The following IMPG1 variants were observed in gnomAD, a reference collection of about 807,000 sequenced individuals.
The protein encoded by IMPG1 is interphotoreceptor matrix proteoglycan of 150 kDa.
IMPG1 carries 85 observed loss-of-function variants against 92.0 expected under a neutral mutation model. The observed-to-expected ratio is 0.92, with a 90% CI of 0.78 to 1.11. IMPG1 has a LOEUF of 1.11. Among genes scored for constraint, IMPG1 ranks in the 50% least tolerant of loss-of-function variants. The probability of loss-of-function intolerance (pLI) is 0.00; values close to 1 mark genes in which losing one functional copy is unlikely to be tolerated. For synonymous variants in IMPG1, 367 were observed against 334.1 expected, an observed-to-expected ratio of 1.10 and a Z score of -1.08; for missense variants, 1,022 against 956.0, an observed-to-expected ratio of 1.07 and a Z score of -0.91.
At chr6:75,989,341 G>A (rs1378516878) in intron 12 of IMPG1, among the ~76,000 whole-genome samples, 1 of 152,126 alleles carries the variant, frequency 6.6e-6, no homozygotes, top group Non-Finnish European at 1.5e-5. Context: ...AAAAAGGGAG[G>A]CACATAATTT....
intron 12 of IMPG1, among the ~76,000 whole-genome samples, chr6:75,963,251 T>C (rs1782238911): frequency 6.6e-6 from 1 of 152,110 alleles, no homozygotes; most frequent in African/African-American, 2.4e-5. Flanking sequence ...CGTCAATAAA[T>C]GATGTATGAA....
chr6:75,962,423 C>T (rs1181062929), intron 12 of IMPG1, among the ~76,000 whole-genome samples: 5 of 152,008 alleles, frequency 3.3e-5, no homozygotes, highest in African/African-American at 9.7e-5. Flanking sequence ...TGTCCAGCAA[C>T]AATTTATTTT....
chr6:76,061,717 C>G (rs922494477), intron 1 of IMPG1, among the ~76,000 whole-genome samples: 4 of 152,094 alleles, frequency 2.6e-5, no homozygotes, highest in African/African-American at 9.7e-5. Context: ...TTTTCTCTTT[C>G]TCTTATACAT....
intron 11 of IMPG1, among the ~76,000 whole-genome samples, chr6:76,003,617 T>G (rs754262552): frequency 6.6e-6 from 1 of 152,224 alleles, no homozygotes; most frequent in Non-Finnish European, 1.5e-5. Context: ...CCATCCTGAT[T>G]CTAAATGAAA....
intron 4 of IMPG1, among the ~76,000 whole-genome samples, chr6:76,033,646 T>A (rs1333744165): frequency 2.6e-5 from 4 of 152,220 alleles, no homozygotes; most frequent in Non-Finnish European, 5.9e-5. Flanking sequence ...TAAGGCATTG[T>A]AAAGTATTGT....
At chr6:76,048,598 T>C (rs1240262241) in intron 1 of IMPG1, among the ~76,000 whole-genome samples, 1 of 152,180 alleles carries the variant, frequency 6.6e-6, no homozygotes, top group Non-Finnish European at 1.5e-5. Context: ...CAGAAACTCT[T>C]CTCTCACTTT....
At chr6:75,953,776 T>G (rs1782073130) in intron 12 of IMPG1, among the ~76,000 whole-genome samples, 1 of 151,506 alleles carries the variant, frequency 6.6e-6, no homozygotes, top group Non-Finnish European at 1.5e-5. Flanking sequence ...CCCCACCCCA[T>G]GACAAGCCCC....
intron 10 of IMPG1, 151 bp from the exon 11 acceptor site, chr6:76,004,101 G>C (rs545147551): frequency 3.3e-6 from 2 of 604,966 alleles, no homozygotes; most frequent in South Asian, 2.1e-5. Flanking sequence ...ATAGAAAAAA[G>C]GTCATTAATC....
intron 12 of IMPG1, among the ~76,000 whole-genome samples, chr6:75,971,193 T>A (rs1184768252): frequency 6.6e-6 from 1 of 151,930 alleles, no homozygotes; most frequent in Non-Finnish European, 1.5e-5. Flanking sequence ...CTGGAAACCA[T>A]CATTCTCAGC....
intron 1 of IMPG1, among the ~76,000 whole-genome samples, chr6:76,054,970 A>T (rs1260728370): frequency 6.6e-6 from 1 of 152,136 alleles, no homozygotes; most frequent in African/African-American, 2.4e-5. Context: ...AAAATCCAGG[A>T]TAATAGTAGG....
chr6:75,956,059 T>A (rs1782114798), intron 12 of IMPG1, among the ~76,000 whole-genome samples: 1 of 151,764 alleles, frequency 6.6e-6, no homozygotes, highest in South Asian at 2.1e-4. Context: ...GCCTGAAATT[T>A]TTTTTTGTTG....
At chr6:76,000,792 G>A (rs1359334566) in intron 12 of IMPG1, among the ~76,000 whole-genome samples, 5 of 152,166 alleles carry the variant, frequency 3.3e-5, no homozygotes, top group Admixed American at 2.0e-4. Flanking sequence ...AAACCCTGTG[G>A]TGATTAGGAG....
At chr6:75,929,653 A>G (rs975220472) in intron 15 of IMPG1, among the ~76,000 whole-genome samples, 6 of 151,982 alleles carry the variant, frequency 3.9e-5, no homozygotes, top group Non-Finnish European at 8.8e-5. Context: ...TACATATGTA[A>G]CAAACCTGCA....
chr6:75,970,934 GAA>G (rs1416421826), intron 12 of IMPG1, among the ~76,000 whole-genome samples: 1 of 152,100 alleles, frequency 6.6e-6, no homozygotes, highest in African/African-American at 2.4e-5. Flanking sequence ...TCTAGAACTA[GAA>G]ATACCATTTG....
At chr6:76,056,194 A>G (rs1784117796) in intron 1 of IMPG1, among the ~76,000 whole-genome samples, 1 of 152,144 alleles carries the variant, frequency 6.6e-6, no homozygotes, top group Non-Finnish European at 1.5e-5. Flanking sequence ...TGATTAAGGC[A>G]ATTTATCACA....
At chr6:76,023,557 C>T (rs1783471467) in intron 5 of IMPG1, among the ~76,000 whole-genome samples, 1 of 152,174 alleles carries the variant, frequency 6.6e-6, no homozygotes, top group African/African-American at 2.4e-5. Context: ...TTCCTTCACA[C>T]CTAGGCACCT....
intron 12 of IMPG1, among the ~76,000 whole-genome samples, chr6:75,987,647 C>CTT (rs529646405): frequency 1.2e-3 from 172 of 141,254 alleles, no homozygotes; most frequent in Admixed American, 1.8e-3. Context: ...GAACTCATCA[C>CTT]TTTTTTTTTT....
chr6:76,039,391 T>C (rs1400308570), intron 2 of IMPG1, among the ~76,000 whole-genome samples: 4 of 149,230 alleles, frequency 2.7e-5, no homozygotes, highest in African/African-American at 9.9e-5. Flanking sequence ...AGTCTCACTA[T>C]GTTGCCCAGG....
intron 12 of IMPG1, among the ~76,000 whole-genome samples, chr6:75,975,398 A>G (rs1441194950): frequency 6.6e-6 from 1 of 152,232 alleles, no homozygotes; most frequent in Non-Finnish European, 1.5e-5. Flanking sequence ...AAATTGTGAA[A>G]GATTATGAAA....
Sources: allele counts gnomAD v4.1 joint callset (sites outside exome capture counted in the v4.1 genomes callset), GRCh38; gene constraint gnomAD v4.1.1; transcripts MANE v1.5; gene names NCBI Gene and HGNC (gene_info 2026-07-23, HGNC 2026-07-21).